FHIT: variants seen among roughly 807,000 people sequenced by gnomAD.
FHIT encodes fragile histidine triad diadenosine triphosphatase, also known as bis(5'-adenosyl)-triphosphatase.
A neutral mutation model predicts 17.9 loss-of-function variants in FHIT; 19 were observed. That is an observed-to-expected ratio of 1.06 (90% CI 0.74 to 1.56). The LOEUF (loss-of-function observed/expected upper bound fraction) is 1.56, where lower values mean the gene tolerates loss of function less well. FHIT is among the 40% of genes most tolerant of loss of function. The probability of loss-of-function intolerance (pLI) is 0.00; values close to 1 mark genes in which losing one functional copy is unlikely to be tolerated. For synonymous variants in FHIT, 81 were observed against 69.7 expected, an observed-to-expected ratio of 1.16 and a Z score of -0.81; for missense variants, 248 against 189.2, an observed-to-expected ratio of 1.31 and a Z score of -1.82.
chr3:59,752,451 T>C, intron 8 of FHIT, 130 bp from the exon 9 acceptor site: 2 of 601,104 alleles, frequency 3.3e-6, no homozygotes, highest in Non-Finnish European at 5.9e-6. Context: ...TTTTAATTGT[T>C]TCAGTTGCTA....
chr3:61,092,916 A>G (rs557911952), intron 2 of FHIT, among the ~76,000 whole-genome samples: 1 of 152,348 alleles, frequency 6.6e-6, no homozygotes, highest in African/African-American at 2.4e-5. Context: ...TACTAGCTGA[A>G]CAAATCCCAA....
intron 8 of FHIT, among the ~76,000 whole-genome samples, chr3:59,801,925 A>G (rs1007101738): frequency 1.3e-5 from 2 of 152,136 alleles, no homozygotes; most frequent in African/African-American, 4.8e-5. Context: ...CTAGGTCCAT[A>G]CCTAATGTTC....
intron 5 of FHIT, chr3:60,080,839 T>C (rs997722358): frequency 1.3e-5 from 2 of 152,218 alleles, no homozygotes; most frequent in African/African-American, 4.8e-5. Flanking sequence ...AATGCAGTGA[T>C]TGTGTTAGAT....
At position 59,977,590 on chromosome 3, in the gene FHIT, C is replaced by T. The variant is rs148389801; in HGVS notation, c.279+33781G>A. ...TTTGTGTCAGGACTGAACAAGTAAC[C>T]CTGATTTAACTTTACATTTTGATAG... On this transcript the variant is annotated intron_variant, in intron 7 of 9. Transcript: ENST00000492590. Among the ~76,000 whole-genome samples the T allele has an allele frequency of 1.1e-3, 162 of 152,244 alleles. 1 individual carries two copies. The highest frequency in any genetic ancestry group is 3.8e-3 in the African/African-American group (159 of 41,562).
chr3:61,199,563 T>C (rs2038955511), intron 2 of FHIT, among the ~76,000 whole-genome samples: 1 of 152,170 alleles, frequency 6.6e-6, no homozygotes, highest in Admixed American at 6.5e-5. Context: ...CTCATATTTT[T>C]ATTATCTAAA....
At chr3:60,361,422 A>G (rs1318470972) in intron 5 of FHIT, among the ~76,000 whole-genome samples, 1 of 152,140 alleles carries the variant, frequency 6.6e-6, no homozygotes, top group African/African-American at 2.4e-5. Flanking sequence ...TTATAAGTAA[A>G]AGACACCCCC....
intron 2 of FHIT, among the ~76,000 whole-genome samples, chr3:61,183,082 A>G (rs909383014): frequency 2.0e-5 from 3 of 152,232 alleles, no homozygotes; most frequent in African/African-American, 7.2e-5. Flanking sequence ...GTGGGGAGAC[A>G]CAGTAGTAGA....
intron 7 of FHIT, among the ~76,000 whole-genome samples, chr3:59,996,610 C>G (rs17061716): frequency 0.14 from 20,553 of 152,046 alleles, 1,493 homozygotes; most frequent in South Asian, 0.26. Flanking sequence ...GCTTCTAATT[C>G]TCATCCCCAA....
chr3:61,205,179 C>T (rs1288005683), intron 1 of FHIT, among the ~76,000 whole-genome samples: 1 of 152,092 alleles, frequency 6.6e-6, no homozygotes. Context: ...GCATAGTATT[C>T]CATGGTGTAT....
At chr3:59,765,341 A>G (rs1011040890) in intron 8 of FHIT, among the ~76,000 whole-genome samples, 2 of 152,202 alleles carry the variant, frequency 1.3e-5, no homozygotes. Flanking sequence ...AGAATCAGGG[A>G]TTGACACAGA....
intron 4 of FHIT, chr3:60,732,707 GAC>G (rs2042057474): frequency 3.0e-5 from 6 of 202,814 alleles, no homozygotes; most frequent in Non-Finnish European, 5.4e-5. Context: ...TTTTTTTTTT[GAC>G]AAAGTCTCGC....
At chr3:60,181,274 T>C (rs146023127) in intron 5 of FHIT, among the ~76,000 whole-genome samples, 3,179 of 151,672 alleles carry the variant, frequency 0.021, 53 homozygotes, top group Middle Eastern at 0.034. Context: ...GCCTCCCAAG[T>C]AGCTGGGATT....
chr3:60,621,144 ATTTTT>A (rs11370683), intron 4 of FHIT, among the ~76,000 whole-genome samples: 1 of 95,090 alleles, frequency 1.1e-5, no homozygotes, highest in Non-Finnish European at 1.9e-5. Flanking sequence ...TCTACTTTTG[ATTTTT>A]TTTTTTTTTT....
chr3:61,095,020 G>A (rs2035596007), intron 2 of FHIT, among the ~76,000 whole-genome samples: 1 of 152,202 alleles, frequency 6.6e-6, no homozygotes, highest in Non-Finnish European at 1.5e-5. Context: ...CACTGTATGT[G>A]AGGACTAAGA....
chr3:59,767,670 T>G (rs994304065), intron 8 of FHIT, among the ~76,000 whole-genome samples: 2 of 152,180 alleles, frequency 1.3e-5, no homozygotes, highest in Non-Finnish European at 2.9e-5. Flanking sequence ...TATTGAGTGC[T>G]TGCTGTCTGC....
At chr3:60,843,998 G>A (rs556042847) in intron 3 of FHIT, among the ~76,000 whole-genome samples, 27 of 152,256 alleles carry the variant, frequency 1.8e-4, no homozygotes, top group South Asian at 1.2e-3. Flanking sequence ...GAAAAATAGA[G>A]CTTGGATATA....
intron 4 of FHIT, among the ~76,000 whole-genome samples, chr3:60,731,840 C>T (rs2042036770): frequency 6.6e-6 from 1 of 152,170 alleles, no homozygotes; most frequent in African/African-American, 2.4e-5. Flanking sequence ...CTGATGGTCG[C>T]CTGACATTCC....
At chr3:59,819,384 C>T (rs986783186) in intron 8 of FHIT, among the ~76,000 whole-genome samples, 5 of 152,054 alleles carry the variant, frequency 3.3e-5, no homozygotes, top group Admixed American at 2.0e-4. Context: ...AGTTATTTTC[C>T]GTGAGACAAT....
At chr3:60,306,639 C>A (rs896080199) in intron 5 of FHIT, among the ~76,000 whole-genome samples, 1 of 152,058 alleles carries the variant, frequency 6.6e-6, no homozygotes, top group Non-Finnish European at 1.5e-5. Context: ...CATAATGATT[C>A]TTGACAATAC....
Sources: allele counts gnomAD v4.1 joint callset (sites outside exome capture counted in the v4.1 genomes callset), GRCh38; gene constraint gnomAD v4.1.1; transcripts MANE v1.5; gene names NCBI Gene and HGNC (gene_info 2026-07-23, HGNC 2026-07-21).